The following RCN1 variants were observed in gnomAD, a reference collection of about 807,000 sequenced individuals.
The protein encoded by RCN1 is reticulocalbin-1.
RCN1 carries 14 observed loss-of-function variants against 34.7 expected under a neutral mutation model. The observed-to-expected ratio is 0.40, with a 90% CI of 0.27 to 0.63. The LOEUF (loss-of-function observed/expected upper bound fraction) is 0.63. Among genes scored for constraint, RCN1 ranks in the 30% least tolerant of loss-of-function variants. RCN1 has a pLI of 0.37. For synonymous variants in RCN1, 125 were observed against 165.5 expected (o/e 0.76, Z 1.88); for missense variants, 326 against 425.1 (o/e 0.77, Z 2.05).
intron 5 of RCN1, 56 bp from the exon 6 acceptor site, chr11:32,104,309 A>G (rs223058): frequency 0.69 from 684,939 of 999,600 alleles, 237,899 homozygotes; most frequent in East Asian, 0.97. Context: ...AACATCATAC[A>G]GAACTAGTAC....
chr11:32,098,674 C>G, intron 3 of RCN1, 146 bp downstream of exon 3: 1 of 694,392 alleles, frequency 1.4e-6, no homozygotes, highest in South Asian at 2.1e-5. Flanking sequence ...TCCCCGTCTA[C>G]CCAGAAAATT....
At chr11:32,096,141 G>A (rs1243159684) in intron 1 of RCN1, among the ~76,000 whole-genome samples, 4 of 152,224 alleles carry the variant, frequency 2.6e-5, no homozygotes, top group African/African-American at 9.6e-5. Context: ...CACTGAAGCT[G>A]TTAGAATTCC....
intron 1 of RCN1, 33 bp from the exon 2 acceptor site, chr11:32,097,111 G>A: frequency 7.1e-7 from 1 of 1,415,054 alleles, no homozygotes; most frequent in Non-Finnish European, 9.4e-7. Context: ...GTGCCTGTGT[G>A]TGGGTTTCTT....
intron 5 of RCN1, 52 bp from the exon 6 acceptor site, chr11:32,104,313 C>A (rs974890296): frequency 1.9e-6 from 2 of 1,042,948 alleles, no homozygotes; most frequent in Non-Finnish European, 3.0e-6. Context: ...TCATACAGAA[C>A]TAGTACAGTT....
intron 1 of RCN1, 109 bp downstream of exon 1, chr11:32,091,559 C>T (rs1046832033): frequency 1.5e-5 from 21 of 1,413,970 alleles, no homozygotes; most frequent in Non-Finnish European, 2.0e-5. Flanking sequence ...ATCGCGCGCG[C>T]GGCCTCGAGG....
At chr11:32,092,320 A>T (rs996458287) in intron 1 of RCN1, among the ~76,000 whole-genome samples, 1 of 152,108 alleles carries the variant, frequency 6.6e-6, no homozygotes, top group Non-Finnish European at 1.5e-5. Context: ...TAATAAAAAT[A>T]AAAATAAAAT....
rs766744911 is a variant in RCN1, at chr11:32,105,548, T to G, written c.*1076T>G. On this transcript the variant is annotated 3_prime_UTR_variant, in exon 6 of 6. Coordinates refer to ENST00000054950, the MANE Select transcript of RCN1 (RefSeq NM_002901.4). ...CCCCTAAGGATTTTCTACTGTGTCC[T>G]GTGGTGTTTGACTTCACAGATGCTA... 2.0e-5 allele frequency: 3 copies of G among 152,206 alleles called. No homozygotes were observed. Among genetic ancestry groups the G allele is most frequent in the Non-Finnish European group, 2.9e-5 (2 of 68,042 alleles). The allele number at this position is 152,206 out of a possible 1,614,324, so 9.4% of individuals were successfully genotyped here. A position where few individuals can be genotyped will look rare whatever the true frequency, so the allele number is the denominator to read the frequency against.
Position 32,091,318 on chromosome 11 carries a change from C to T in RCN1, c.122C>T (p.Pro41Leu), listed in dbSNP as rs1255023036. The change falls in exon 1 of 6, where the codon CCC (proline) becomes CTC (leucine). Residue 41 changes from proline (P) to leucine (L), a missense_variant. Pro to Leu is a moderately conservative substitution (Grantham distance 98). Transcript: ENST00000054950. ...GTGCGCAAAGAGCGCGTGGTGCGGCCCGACTCGGAGCTGGGCGAGCGGCCC... is the reference window on the plus strand; with the variant it reads ...GTGCGCAAAGAGCGCGTGGTGCGGCTCGACTCGGAGCTGGGCGAGCGGCCC... ...PTVRKERVVR[P>L]DSELGERPPE... 1 of 1,547,658 alleles carries T rather than the reference C, an allele frequency of 6.5e-7. No individual in the cohort carries two copies. The highest frequency in any genetic ancestry group is 2.0e-5 in the Admixed American group (1 of 50,938).
intron 3 of RCN1, among the ~76,000 whole-genome samples, chr11:32,099,304 G>C (rs1852008828): frequency 1.3e-5 from 2 of 151,120 alleles, no homozygotes; most frequent in East Asian, 4.0e-4. Flanking sequence ...CTGGGCGACA[G>C]GGTGAGACTC....
chr11:32,097,448 C>G (rs1851986135), intron 2 of RCN1, 111 bp downstream of exon 2: 1 of 686,016 alleles, frequency 1.5e-6, no homozygotes, highest in African/African-American at 1.8e-5. Flanking sequence ...GTCACAGCCT[C>G]CTAAGTAGAA....
At chr11:32,096,892 A>C in intron 1 of RCN1, 1 of 396,580 alleles carries the variant, frequency 2.5e-6, no homozygotes, top group Non-Finnish European at 4.5e-6. Context: ...TAGGTTTATC[A>C]GGACAGAGGG....
intron 3 of RCN1, among the ~76,000 whole-genome samples, chr11:32,099,912 A>G (rs1179652416): frequency 6.6e-6 from 1 of 152,198 alleles, no homozygotes; most frequent in Non-Finnish European, 1.5e-5. Context: ...CGAGTAGACT[A>G]CGAGCCTTTG....
chr11:32,100,250 G>T (rs1197183434), intron 3 of RCN1, among the ~76,000 whole-genome samples: 3 of 152,226 alleles, frequency 2.0e-5, no homozygotes, highest in Admixed American at 2.0e-4. Flanking sequence ...TGGCTGGATG[G>T]TGGAGTTAGT....
Position 32,105,469 on chromosome 11 carries a change from C to G in RCN1, c.*997C>G, listed in dbSNP as rs566032899. The G allele has an allele frequency of 6.6e-6, 1 of 152,230 alleles. No individual in the cohort carries two copies. Among genetic ancestry groups the G allele is most frequent in the South Asian group, 2.1e-4 (1 of 4,816 alleles). 9.4% of individuals were successfully genotyped at this position (152,230 alleles called of 1,614,324 possible). On this transcript the variant is annotated 3_prime_UTR_variant, in exon 6 of 6. Coordinates refer to ENST00000054950, the MANE Select transcript of RCN1 (RefSeq NM_002901.4). ...TGTGGACTGAACTGGCAGACACAAC[C>G]TGTACAGATTGAAATTTCACCTTGT...
At position 32,097,259 on chromosome 11, in the gene RCN1, T is replaced by G; in HGVS notation, c.370T>G (p.Trp124Gly). 1.2e-6 allele frequency: 2 copies of G among 1,606,090 alleles called. No homozygotes were observed. Among genetic ancestry groups the G allele is most frequent in the Non-Finnish European group, 1.7e-6 (2 of 1,177,878 alleles). The change falls in exon 2 of 6, where the codon TGG becomes GGG. Residue 124 changes from tryptophan to glycine, a missense_variant. Coordinates refer to ENST00000054950, the MANE Select transcript of RCN1 (RefSeq NM_002901.4). ...CATCTTTGATAATGTCGCCAAAGTC[T>G]GGAAGGATTATGATAGGGACAAGGA... ...RYIFDNVAKVWKDYDRDKDDK... is the reference protein window; with the variant it reads ...RYIFDNVAKVGKDYDRDKDDK...
At position 32,105,553 on chromosome 11, in the gene RCN1, T is replaced by C. The variant is rs548481685; in HGVS notation, c.*1081T>C. The C allele has an allele frequency of 6.6e-6, 1 of 152,310 alleles. No individual in the cohort carries two copies. Among genetic ancestry groups the C allele is most frequent in the East Asian group, 1.9e-4 (1 of 5,190 alleles). The allele number at this position is 152,310 out of a possible 1,614,324, so 9.4% of individuals were successfully genotyped here. On this transcript the variant is annotated 3_prime_UTR_variant, in exon 6 of 6. Transcript: ENST00000054950. Reference sequence around the variant, plus strand: ...AAGGATTTTCTACTGTGTCCTGTGGTGTTTGACTTCACAGATGCTATTTGT... The same window carrying C: ...AAGGATTTTCTACTGTGTCCTGTGGCGTTTGACTTCACAGATGCTATTTGT...
chr11:32,097,074 C>T (rs1263487870), intron 1 of RCN1, 70 bp from the exon 2 acceptor site: 1 of 1,298,658 alleles, frequency 7.7e-7, no homozygotes, highest in East Asian at 2.7e-5. Flanking sequence ...ACCAGCATCA[C>T]ACAAGCCTTG....
chr11:32,091,788 T>C (rs1851924785), intron 1 of RCN1: 1 of 330,486 alleles, frequency 3.0e-6, no homozygotes, highest in African/African-American at 2.2e-5. Context: ...GAAGAGTTTG[T>C]CCACAGTGGC....
chr11:32,095,338 C>T (rs1057380713), intron 1 of RCN1, among the ~76,000 whole-genome samples: 9 of 151,934 alleles, frequency 5.9e-5, no homozygotes, highest in Non-Finnish European at 5.9e-5. Flanking sequence ...CCTCGACCTC[C>T]TGGGCTCAGG....
Sources: gnomAD v4.1 joint callset for allele counts (sites outside exome capture counted in the v4.1 genomes callset) on GRCh38, gnomAD v4.1.1 for gene constraint, MANE v1.5 for transcripts, NCBI Gene and HGNC (gene_info 2026-07-23, HGNC 2026-07-21) for gene names.